The following HSD17B6 variants were observed in gnomAD, a reference collection of about 807,000 sequenced individuals.
The protein encoded by HSD17B6 is hydroxysteroid 17-beta dehydrogenase 6.
Under a neutral mutation model 26.4 loss-of-function variants are expected in HSD17B6, and 16 were observed. The observed-to-expected ratio is 0.61, with a 90% CI of 0.41 to 0.92. The LOEUF (loss-of-function observed/expected upper bound fraction) is 0.92, where lower values mean the gene tolerates loss of function less well. Among genes scored for constraint, HSD17B6 ranks in the 40% least tolerant of loss-of-function variants. HSD17B6 has a pLI of 0.00. For missense variants in HSD17B6, 357 were observed against 386.1 expected (o/e 0.92, Z 0.63); for synonymous variants, 139 against 153.0 (o/e 0.91, Z 0.68).
In HSD17B6 at chr12:56,787,490, GT is replaced by G; in HGVS notation, c.*151del. 1 of 613,716 alleles carries G rather than the reference GT, an allele frequency of 1.6e-6. No individual in the cohort carries two copies. The highest frequency in any genetic ancestry group is 2.9e-6 in the Non-Finnish European group (1 of 349,720). The allele number at this position is 613,716 out of a possible 1,614,324, so 38.0% of individuals were successfully genotyped here. ...TCTGGCATCATCAGAGTACTAACAT[GT>G]TTATATTTCAGATATCCAAAGCTTA... is the stretch of plus-strand genomic sequence containing the variant. On this transcript the variant is annotated 3_prime_UTR_variant, in exon 5 of 5. Transcript: ENST00000322165.
In HSD17B6 at chr12:56,784,912, C is replaced by T. The variant is rs374588782; in HGVS notation, c.632C>T (p.Thr211Met). ...ATAGTTGAACCTGGCTACTTCAGAA[C>T]GGGAATGACAAACATGACACAGTCC... Reference protein sequence around the residue: ...ISIVEPGYFRTGMTNMTQSLE... With the variant: ...ISIVEPGYFRMGMTNMTQSLE... The change falls in exon 4 of 5, where the codon ACG (threonine) becomes ATG (methionine). Residue 211 changes from threonine to methionine, a missense_variant. Physicochemically the swap from Thr to Met is moderately conservative, Grantham distance 81 (BLOSUM62 -1). Transcript: ENST00000322165. 186 of 1,613,790 alleles carry T rather than the reference C, an allele frequency of 1.2e-4. No individual in the cohort carries two copies. The highest frequency in any genetic ancestry group is 1.5e-4 in the Non-Finnish European group (173 of 1,179,984).
chr12:56,783,172 G>T (rs1319304725), intron 3 of HSD17B6, among the ~76,000 whole-genome samples: 1 of 152,102 alleles, frequency 6.6e-6, no homozygotes, highest in Non-Finnish European at 1.5e-5. Context: ...CTCCCAGACG[G>T]GGTGGTGGCC....
chr12:56,766,837 G>A (rs942287746), intron 1 of HSD17B6, among the ~76,000 whole-genome samples: 1 of 152,180 alleles, frequency 6.6e-6, no homozygotes, highest in Non-Finnish European at 1.5e-5. Context: ...GACGCTGTCT[G>A]TGACTGCTGT....
chr12:56,782,533 C>G (rs1954744937), intron 3 of HSD17B6, among the ~76,000 whole-genome samples: 1 of 152,124 alleles, frequency 6.6e-6, no homozygotes, highest in African/African-American at 2.4e-5. Flanking sequence ...CTCTGTTGCT[C>G]AAGCTGGAGT....
intron 2 of HSD17B6, among the ~76,000 whole-genome samples, chr12:56,779,763 C>T (rs1390456553): frequency 6.6e-6 from 1 of 150,660 alleles, no homozygotes. Flanking sequence ...TTTGGCTCTC[C>T]AATATGCAAT....
intron 1 of HSD17B6, among the ~76,000 whole-genome samples, chr12:56,764,289 T>G (rs775528427): frequency 2.6e-5 from 4 of 152,240 alleles, no homozygotes; most frequent in East Asian, 1.9e-4. Flanking sequence ...GACAAACCCA[T>G]GTCTGAAGAT....
At chr12:56,769,101 A>AG (rs1954411076) in intron 1 of HSD17B6, among the ~76,000 whole-genome samples, 1 of 117,148 alleles carries the variant, frequency 8.5e-6, no homozygotes, top group Non-Finnish European at 1.8e-5. Flanking sequence ...CAGCTTTTCA[A>AG]GGTTTTTTTT....
Position 56,784,882 on chromosome 12 carries a change from T to C in HSD17B6, c.602T>C (p.Ile201Thr). ...GAGATTCAACATTTTGGGGTGAAAATCAGCATAGTTGAACCTGGCTACTTC... is the reference window on the plus strand; with the variant it reads ...GAGATTCAACATTTTGGGGTGAAAACCAGCATAGTTGAACCTGGCTACTTC... ...RREIQHFGVK[I>T]SIVEPGYFRT... is the part of the protein sequence containing the mutation. Residue 201 changes from isoleucine to threonine, a missense_variant, in exon 4 of 5, where the codon ATC becomes ACC. Coordinates refer to ENST00000322165, the MANE Select transcript of HSD17B6 (RefSeq NM_003725.4). The C allele has an allele frequency of 6.2e-7, 1 of 1,613,806 alleles. No individual in the cohort carries two copies. The highest frequency in any genetic ancestry group is 8.5e-7 in the Non-Finnish European group (1 of 1,179,944).
intron 3 of HSD17B6, among the ~76,000 whole-genome samples, chr12:56,783,260 C>T (rs572249992): frequency 5.3e-5 from 8 of 150,022 alleles, no homozygotes; most frequent in South Asian, 2.1e-4. Flanking sequence ...GGTGGCCGGG[C>T]GGGGGGCTGA....
In HSD17B6 at chr12:56,787,310, A is replaced by G; in HGVS notation, c.922A>G (p.Arg308Gly). The change falls in exon 5 of 5, where the codon AGA becomes GGA. Residue 308 changes from arginine to glycine, a missense_variant. Transcript: ENST00000322165. ...ATCACTGGCAGACTACATTTTGACT[A>G]GATCTTGGCCCAAACCAGCCCAGGC... Reference protein sequence around the residue: ...PTSLADYILTRSWPKPAQAV With the variant: ...PTSLADYILTGSWPKPAQAV The G allele has an allele frequency of 6.2e-7, 1 of 1,614,080 alleles. No homozygotes were observed. Among genetic ancestry groups the G allele is most frequent in the Non-Finnish European group, 8.5e-7 (1 of 1,179,938 alleles).
In HSD17B6 at chr12:56,782,273, A is replaced by G. The variant is rs140840945; in HGVS notation, c.572+41A>G. 2.4e-5 allele frequency: 39 copies of G among 1,595,850 alleles called. No individual in the cohort carries two copies. In the African/African-American group the frequency reaches 4.8e-4, roughly 20 times the overall value. On this transcript the variant is annotated intron_variant, in intron 3 of 4. Transcript: ENST00000322165. ...ACAAAAACAGCTATTGAGCACTGAA[A>G]TATGTCTTAGGCATTGTGCTAGTTG...
intron 3 of HSD17B6, among the ~76,000 whole-genome samples, chr12:56,782,985 A>G (rs1954759208): frequency 6.6e-6 from 1 of 152,230 alleles, no homozygotes. Flanking sequence ...CAGGATCCCA[A>G]GGCAGAAGAA....
intron 2 of HSD17B6, among the ~76,000 whole-genome samples, chr12:56,780,968 A>G (rs1954704217): frequency 1.3e-5 from 2 of 151,812 alleles, no homozygotes; most frequent in African/African-American, 4.8e-5. Context: ...GTTATAAATG[A>G]CCCTGTCTCC....
intron 2 of HSD17B6, among the ~76,000 whole-genome samples, chr12:56,777,763 C>G (rs1373425934): frequency 2.0e-5 from 3 of 152,128 alleles, no homozygotes; most frequent in Admixed American, 2.0e-4. Flanking sequence ...TAAAATATTA[C>G]TTCCTTCCAG....
At chr12:56,771,932 C>G (rs146807748) in intron 1 of HSD17B6, among the ~76,000 whole-genome samples, 38 of 152,112 alleles carry the variant, frequency 2.5e-4, no homozygotes, top group Non-Finnish European at 4.6e-4. Context: ...GTTTTATAAG[C>G]GTTTGGTAGT....
intron 1 of HSD17B6, among the ~76,000 whole-genome samples, chr12:56,767,313 C>T: frequency 6.6e-6 from 1 of 151,436 alleles, no homozygotes; most frequent in Non-Finnish European, 1.5e-5. Context: ...GAGATCGAGA[C>T]CATCCTGCCT....
intron 1 of HSD17B6, among the ~76,000 whole-genome samples, chr12:56,772,129 A>G (rs1207673758): frequency 6.6e-6 from 1 of 152,158 alleles, no homozygotes; most frequent in African/African-American, 2.4e-5. Context: ...GTACACCTGT[A>G]GATCTCAACT....
intron 3 of HSD17B6, 106 bp from the exon 4 acceptor site, chr12:56,784,747 A>C: frequency 8.6e-7 from 1 of 1,169,570 alleles, no homozygotes; most frequent in Non-Finnish European, 1.2e-6. Flanking sequence ...TATTCTTTAA[A>C]ATATTCAGTA....
At chr12:56,782,353 C>A (rs1163068143) in intron 3 of HSD17B6, 121 bp downstream of exon 3, 1 of 958,054 alleles carries the variant, frequency 1.0e-6, no homozygotes, top group Non-Finnish European at 1.5e-6. Flanking sequence ...GATATTATTA[C>A]TAGTCTATTT....
Sources: allele counts gnomAD v4.1 joint callset (sites outside exome capture counted in the v4.1 genomes callset), GRCh38; gene constraint gnomAD v4.1.1; transcripts MANE v1.5; gene names NCBI Gene and HGNC (gene_info 2026-07-23, HGNC 2026-07-21).